Variants in TGDS observed in about 807,000 individuals in gnomAD.
The protein encoded by TGDS is UDP-D-glucose 4,6-dehydratase.
TGDS carries 47 observed loss-of-function variants against 52.3 expected under a neutral mutation model. That is an observed-to-expected ratio of 0.90 (90% CI 0.71 to 1.15). The LOEUF is 1.15. Among genes scored for constraint, TGDS ranks in the 50% most tolerant of loss-of-function variants. TGDS has a pLI of 0.00. For synonymous variants in TGDS, 115 were observed against 136.9 expected (o/e 0.84, Z 1.12); for missense variants, 375 against 418.4 (o/e 0.90, Z 0.90).
At chr13:94,576,044 A>T (rs1888587655) in intron 11 of TGDS, among the ~76,000 whole-genome samples, 1 of 152,232 alleles carries the variant, frequency 6.6e-6, no homozygotes, top group Non-Finnish European at 1.5e-5. Context: ...GAGTGTGAAG[A>T]AAGTGAAAAA....
intron 8 of TGDS, 63 bp from the exon 9 acceptor site, chr13:94,578,233 A>T: frequency 6.8e-7 from 1 of 1,463,854 alleles, no homozygotes; most frequent in Non-Finnish European, 9.4e-7. Context: ...TAAAGCATTG[A>T]CTGGGTACTA....
chr13:94,595,323 TG>T (rs1220716482), intron 1 of TGDS, among the ~76,000 whole-genome samples: 2 of 152,326 alleles, frequency 1.3e-5, no homozygotes, highest in Non-Finnish European at 2.9e-5. Flanking sequence ...TGGTAGAGTT[TG>T]GGCTTTATTC....
At position 94,574,872 on chromosome 13, in the gene TGDS, G is replaced by GAAAAAAAAAA; in HGVS notation, c.983-21_983-20insTTTTTTTTTT. Reference sequence around the variant, plus strand: ...ATTCAACTAATAGGAAAAAACAAAAGACAAAAAAAAAAAAGAAAAGAAAGA... The same window carrying GAAAAAAAAAA: ...ATTCAACTAATAGGAAAAAACAAAAGAAAAAAAAAAACAAAAAAAAAAAAGAAAAGAAAGA... On this transcript the variant is annotated intron_variant, in intron 11 of 11. Transcript: ENST00000261296. 9.2e-7 allele frequency: 1 copy of GAAAAAAAAAA among 1,081,108 alleles called. No individual in the cohort carries two copies. Among genetic ancestry groups the GAAAAAAAAAA allele is most frequent in the Non-Finnish European group, 1.2e-6 (1 of 808,038 alleles). The allele number at this position is 1,081,108 out of a possible 1,614,324, so 67.0% of individuals were successfully genotyped here.
At chr13:94,582,992 A>C in intron 5 of TGDS, 102 bp downstream of exon 5, 2 of 1,250,566 alleles carry the variant, frequency 1.6e-6, no homozygotes, top group Non-Finnish European at 2.2e-6. Flanking sequence ...AGAGTGCCAC[A>C]AGTGTATATA....
At chr13:94,590,761 G>A (rs1889167783) in intron 4 of TGDS, 92 bp downstream of exon 4, 1 of 1,017,060 alleles carries the variant, frequency 9.8e-7, no homozygotes, top group African/African-American at 1.7e-5. Flanking sequence ...TTCTAGTACA[G>A]TATGATATAT....
rs373245962 is a variant in TGDS at position 94,595,975 on chromosome 13, C to G, written c.86+76G>C. 5.3e-4 allele frequency: 837 copies of G among 1,576,708 alleles called. 6 individuals are homozygous for G. The African/African-American group carries it at 0.01, about 20-fold the overall frequency. ...CCCCTCAAAGCTGGACCCAAATTACCTAGGGCAAGCAGAGCTGCGGGAAAA... is the reference window on the plus strand; with the variant it reads ...CCCCTCAAAGCTGGACCCAAATTACGTAGGGCAAGCAGAGCTGCGGGAAAA... On this transcript the variant is annotated intron_variant, in intron 1 of 11. Coordinates refer to ENST00000261296, the MANE Select transcript of TGDS (RefSeq NM_014305.4).
chr13:94,586,049 A>C (rs1468455023), intron 4 of TGDS, among the ~76,000 whole-genome samples: 3 of 152,182 alleles, frequency 2.0e-5, no homozygotes, highest in African/African-American at 7.2e-5. Context: ...GCAAGCAAGC[A>C]GTTTTTTAAA....
At chr13:94,583,921 T>C (rs914585866) in intron 4 of TGDS, among the ~76,000 whole-genome samples, 3 of 152,110 alleles carry the variant, frequency 2.0e-5, no homozygotes, top group African/African-American at 7.2e-5. Flanking sequence ...GATGAAGAAA[T>C]ATAAATGGGT....
At chr13:94,577,497 A>G in intron 9 of TGDS, 68 bp from the exon 10 acceptor site, 1 of 1,318,532 alleles carries the variant, frequency 7.6e-7, no homozygotes, top group East Asian at 2.6e-5. Context: ...ATAGTATTTA[A>G]TGGCTGATTA....
At chr13:94,591,532 G>A (rs901297278) in intron 3 of TGDS, among the ~76,000 whole-genome samples, 1 of 152,200 alleles carries the variant, frequency 6.6e-6, no homozygotes, top group Non-Finnish European at 1.5e-5. Context: ...GGCAGGGGTC[G>A]CAGTGAGCTG....
chr13:94,593,932 T>A, intron 1 of TGDS, 25 bp from the exon 2 acceptor site: 1 of 1,466,694 alleles, frequency 6.8e-7, no homozygotes, highest in East Asian at 2.3e-5. Context: ...TATATCTTGT[T>A]AGTGAAAAAC....
chr13:94,592,192 C>G, intron 3 of TGDS, 49 bp downstream of exon 3: 2 of 1,373,696 alleles, frequency 1.5e-6, no homozygotes, highest in Non-Finnish European at 2.0e-6. Flanking sequence ...ATACTATAAT[C>G]TCTGCATGAC....
chr13:94,585,769 T>C (rs143828402), intron 4 of TGDS, among the ~76,000 whole-genome samples: 1,576 of 147,580 alleles, frequency 0.011, 19 homozygotes, highest in Non-Finnish European at 0.019. Flanking sequence ...CACTGCACTC[T>C]GGCCTAGGTG....
intron 4 of TGDS, among the ~76,000 whole-genome samples, chr13:94,584,179 A>G (rs988766230): frequency 3.3e-5 from 5 of 152,204 alleles, no homozygotes; most frequent in African/African-American, 1.2e-4. Context: ...TCTAACCCAG[A>G]GTTATGGGCT....
At chr13:94,581,502 T>C (rs1221237898) in intron 5 of TGDS, among the ~76,000 whole-genome samples, 1 of 152,128 alleles carries the variant, frequency 6.6e-6, no homozygotes, top group African/African-American at 2.4e-5. Context: ...GCCATACCCT[T>C]GAAGGCCACC....
intron 1 of TGDS, among the ~76,000 whole-genome samples, chr13:94,595,630 TAA>T (rs1490478824): frequency 6.6e-6 from 1 of 152,186 alleles, no homozygotes; most frequent in Non-Finnish European, 1.5e-5. Flanking sequence ...AGTGGATTTG[TAA>T]AAGTTTGCTG....
intron 3 of TGDS, among the ~76,000 whole-genome samples, chr13:94,591,634 C>T (rs1375019237): frequency 6.6e-6 from 1 of 152,124 alleles, no homozygotes; most frequent in South Asian, 2.1e-4. Context: ...TTTGAAAACA[C>T]ATTTTATCAC....
Position 94,576,400 on chromosome 13 carries a change from TC to T in TGDS, c.895del (p.Asp299ThrfsTer2). On this transcript the variant is annotated frameshift_variant, in exon 11 of 12. Transcript: ENST00000261296. LOFTEE classifies it high-confidence loss of function. ...TTCTGACTTCATTGGGTATCTCATG[TC>T]ATTGGTGGGTCTTGGAAAACAAAAC... ...VDYVNDRPTNDMRYPMKSEKI... is the reference protein window; with the variant it reads ...VDYVNDRPTNXMRYPMKSEKI... The T allele has an allele frequency of 6.3e-7, 1 of 1,592,516 alleles. No homozygotes were observed. The highest frequency in any genetic ancestry group is 8.5e-7 in the Non-Finnish European group (1 of 1,169,632).
chr13:94,586,728 C>G (rs943333471), intron 4 of TGDS, among the ~76,000 whole-genome samples: 19 of 149,708 alleles, frequency 1.3e-4, no homozygotes, highest in African/African-American at 4.7e-4. Context: ...AAGTAACCCA[C>G]GGATGAGAGA....
Sources: gnomAD v4.1 joint callset for allele counts (sites outside exome capture counted in the v4.1 genomes callset) on GRCh38, gnomAD v4.1.1 for gene constraint, MANE v1.5 for transcripts, NCBI Gene and HGNC (gene_info 2026-07-23, HGNC 2026-07-21) for gene names.